Variants in PLCE1 observed in about 807,000 individuals in gnomAD.
PLCE1 encodes the protein phospholipase C epsilon 1.
In PLCE1, 119 loss-of-function variants were observed where a neutral mutation model predicts 242.8. That is an observed-to-expected ratio of 0.49 (90% CI 0.42 to 0.57). The LOEUF (loss-of-function observed/expected upper bound fraction) is 0.57. Among genes scored for constraint, PLCE1 ranks in the 20% least tolerant of loss-of-function variants. PLCE1 has a pLI of 0.00. For synonymous variants in PLCE1, 945 were observed against 1,017.4 expected, an observed-to-expected ratio of 0.93 and a Z score of 1.35; for missense variants, 2,441 against 2,788.8, an observed-to-expected ratio of 0.88 and a Z score of 2.81.
chr10:93,994,720 C>T (rs1019163063), intron 1 of PLCE1, among the ~76,000 whole-genome samples: 2 of 152,224 alleles, frequency 1.3e-5, no homozygotes, highest in Non-Finnish European at 2.9e-5. Flanking sequence ...TCCTTTAATG[C>T]TACAGTAATA....
At chr10:94,317,109 G>C (rs111226079) in intron 29 of PLCE1, among the ~76,000 whole-genome samples, 3 of 152,226 alleles carry the variant, frequency 2.0e-5, no homozygotes, top group Admixed American at 6.5e-5. Context: ...AAATTAGCCA[G>C]GCGTGGTGGC....
intron 2 of PLCE1, among the ~76,000 whole-genome samples, chr10:94,073,235 A>G (rs2044411451): frequency 1.3e-5 from 2 of 148,994 alleles, no homozygotes; most frequent in Non-Finnish European, 3.0e-5. Context: ...GTTTTTCCCC[A>G]TGTCATTACT....
At chr10:94,228,366 G>A (rs568076895) in intron 5 of PLCE1, among the ~76,000 whole-genome samples, 1 of 152,332 alleles carries the variant, frequency 6.6e-6, no homozygotes, top group South Asian at 2.1e-4. Context: ...GAATACCTGT[G>A]TGATCCAGGC....
intron 7 of PLCE1, among the ~76,000 whole-genome samples, chr10:94,236,439 G>A (rs1044255632): frequency 4.6e-5 from 7 of 152,020 alleles, no homozygotes; most frequent in African/African-American, 9.7e-5. Flanking sequence ...AAGGAGAGCT[G>A]TGATCTTTTA....
intron 18 of PLCE1, 74 bp from the exon 19 acceptor site, chr10:94,273,488 T>C: frequency 7.4e-7 from 1 of 1,356,754 alleles, no homozygotes; most frequent in East Asian, 2.4e-5. Flanking sequence ...ATCTACTATG[T>C]TTATGAAGTG....
intron 1 of PLCE1, among the ~76,000 whole-genome samples, chr10:94,012,778 A>G (rs2061195805): frequency 6.6e-6 from 1 of 152,118 alleles, no homozygotes. Context: ...AGCTTTCACT[A>G]CTTGGAACTC....
intron 2 of PLCE1, among the ~76,000 whole-genome samples, chr10:94,078,654 T>G (rs971148968): frequency 1.3e-5 from 2 of 151,980 alleles, no homozygotes; most frequent in Non-Finnish European, 2.9e-5. Context: ...CCCGGATAAT[T>G]TTTGTATTTT....
chr10:94,098,083 C>T (rs1386843158), intron 2 of PLCE1, among the ~76,000 whole-genome samples: 1 of 152,160 alleles, frequency 6.6e-6, no homozygotes, highest in African/African-American at 2.4e-5. Flanking sequence ...AGCTGCTTAG[C>T]CCTCACTTGG....
chr10:93,995,852 G>A (rs574725951), intron 1 of PLCE1, among the ~76,000 whole-genome samples: 1 of 152,336 alleles, frequency 6.6e-6, no homozygotes, highest in African/African-American at 2.4e-5. Flanking sequence ...ACTCCAGTGG[G>A]TTAGAAGCTA....
intron 14 of PLCE1, among the ~76,000 whole-genome samples, chr10:94,264,252 G>A (rs2133043426): frequency 1.3e-5 from 2 of 152,244 alleles, no homozygotes; most frequent in East Asian, 3.9e-4. Flanking sequence ...CAGTTTGATG[G>A]TCTCGGGAAA....
At chr10:94,171,726 A>G (rs906125489) in intron 4 of PLCE1, among the ~76,000 whole-genome samples, 2 of 151,876 alleles carry the variant, frequency 1.3e-5, no homozygotes. Context: ...ACTCCATTCT[A>G]TTGCATTACC....
At chr10:94,077,695 G>C (rs2044546044) in intron 2 of PLCE1, among the ~76,000 whole-genome samples, 1 of 152,162 alleles carries the variant, frequency 6.6e-6, no homozygotes, top group Non-Finnish European at 1.5e-5. Context: ...TTGAGCCCAG[G>C]AGTCAAGGCT....
intron 10 of PLCE1, 63 bp from the exon 11 acceptor site, chr10:94,254,830 A>G (rs1021830047): frequency 6.3e-7 from 1 of 1,577,250 alleles, no homozygotes; most frequent in African/African-American, 1.3e-5. Flanking sequence ...TCTGGTTTGT[A>G]TTTGGTTCTG....
intron 4 of PLCE1, among the ~76,000 whole-genome samples, chr10:94,226,486 T>C (rs1173639500): frequency 6.6e-6 from 1 of 152,194 alleles, no homozygotes; most frequent in Admixed American, 6.5e-5. Context: ...TTAGAATGGC[T>C]CCTGGCACAT....
Position 94,187,181 on chromosome 10 carries a change from T to TGTGC in PLCE1, c.1809+15686_1809+15687insTGCG, listed in dbSNP as rs368426619. Among the ~76,000 whole-genome samples, 954 of 149,238 alleles carry TGTGC rather than the reference T, an allele frequency of 6.4e-3. 5 individuals carry two copies. Among genetic ancestry groups the TGTGC allele is most frequent in the East Asian group, 0.034 (172 of 5,020 alleles). ...GTGTGTGTGTGTGTGTGTGTGTGTG[T>TGTGC]GCGTGCACACACATTACTGCATCTA... On this transcript the variant is annotated intron_variant, in intron 4 of 32. Transcript: ENST00000371380.
At chr10:94,143,691 T>A (rs746052230) in intron 3 of PLCE1, among the ~76,000 whole-genome samples, 7 of 152,198 alleles carry the variant, frequency 4.6e-5, no homozygotes, top group Non-Finnish European at 1.0e-4. Flanking sequence ...CAAAAAGATA[T>A]TTTTAACGGT....
intron 29 of PLCE1, among the ~76,000 whole-genome samples, chr10:94,318,307 A>G (rs1249206569): frequency 6.6e-6 from 1 of 152,212 alleles, no homozygotes; most frequent in Non-Finnish European, 1.5e-5. Context: ...TTTAATGTCT[A>G]AATTTTTGTC....
chr10:94,106,330 T>A (rs1454220285), intron 2 of PLCE1: 2 of 152,230 alleles, frequency 1.3e-5, no homozygotes, highest in Non-Finnish European at 2.9e-5. Context: ...TTGAGATATT[T>A]CCATAAATAT....
chr10:94,068,824 C>A (rs1214161917), intron 2 of PLCE1, among the ~76,000 whole-genome samples: 4 of 152,234 alleles, frequency 2.6e-5, no homozygotes, highest in Non-Finnish European at 5.9e-5. Flanking sequence ...CTTAACAACA[C>A]TGCCATAAAG....
Sources: allele counts gnomAD v4.1 joint callset (sites outside exome capture counted in the v4.1 genomes callset), GRCh38; gene constraint gnomAD v4.1.1; transcripts MANE v1.5; gene names NCBI Gene and HGNC (gene_info 2026-07-23, HGNC 2026-07-21).